Variants in SORCS3 observed in about 807,000 individuals in gnomAD.
SORCS3 encodes sortilin related VPS10 domain containing receptor 3.
In SORCS3, 57 loss-of-function variants were observed where a neutral mutation model predicts 146.3. The ratio of observed to expected loss-of-function variants is 0.39; its 90% CI spans 0.31 to 0.49. The LOEUF (loss-of-function observed/expected upper bound fraction) is 0.49. SORCS3 is among the 20% of genes least tolerant of loss of function. The pLI, the probability that SORCS3 is intolerant of heterozygous loss-of-function variation, is 0.92. For synonymous variants in SORCS3, 653 were observed against 618.5 expected, an observed-to-expected ratio of 1.06 and a Z score of -0.83; for missense variants, 1,341 against 1,575.5, an observed-to-expected ratio of 0.85 and a Z score of 2.52.
chr10:104,967,522 C>T (rs1251400805), intron 3 of SORCS3, among the ~76,000 whole-genome samples: 1 of 152,134 alleles, frequency 6.6e-6, no homozygotes, highest in Non-Finnish European at 1.5e-5. Flanking sequence ...AGCAACTCCT[C>T]AGTCCCCTTT....
At chr10:105,204,323 C>G (rs371046081) in intron 16 of SORCS3, among the ~76,000 whole-genome samples, 4 of 152,082 alleles carry the variant, frequency 2.6e-5, no homozygotes, top group African/African-American at 9.7e-5. Flanking sequence ...CTCAAGAAAT[C>G]AAACAAGTCT....
intron 3 of SORCS3, among the ~76,000 whole-genome samples, chr10:104,940,237 TA>T (rs1169848907): frequency 4.0e-3 from 66 of 16,512 alleles, no homozygotes; most frequent in East Asian, 6.3e-3. Context: ...TATATATATA[TA>T]TTTTTTTTTT....
intron 1 of SORCS3, among the ~76,000 whole-genome samples, chr10:104,803,680 T>C (rs1222943145): frequency 6.6e-6 from 1 of 152,130 alleles, no homozygotes; most frequent in Non-Finnish European, 1.5e-5. Flanking sequence ...TGGGTTGCTG[T>C]TTATAGGGAA....
intron 1 of SORCS3, among the ~76,000 whole-genome samples, chr10:104,785,680 G>A (rs908204307): frequency 6.6e-6 from 1 of 152,172 alleles, no homozygotes; most frequent in African/African-American, 2.4e-5. Flanking sequence ...TTTCCATAAA[G>A]CAGAGCAGTG....
intron 4 of SORCS3, among the ~76,000 whole-genome samples, chr10:105,005,906 A>C (rs2055092219): frequency 6.6e-6 from 1 of 152,138 alleles, no homozygotes; most frequent in African/African-American, 2.4e-5. Context: ...GTTTCTATTC[A>C]TTTCCTTTCA....
chr10:105,003,173 T>G (rs2055072096), intron 4 of SORCS3, among the ~76,000 whole-genome samples: 1 of 152,212 alleles, frequency 6.6e-6, no homozygotes, highest in Non-Finnish European at 1.5e-5. Flanking sequence ...TTTACTCCAC[T>G]AAGATTGTAA....
At chr10:104,745,053 G>A (rs922272528) in intron 1 of SORCS3, among the ~76,000 whole-genome samples, 1 of 152,148 alleles carries the variant, frequency 6.6e-6, no homozygotes, top group Non-Finnish European at 1.5e-5. Context: ...GTTATGGTTT[G>A]TTTAAAAAAG....
rs2015518021 is a variant in SORCS3, at chr10:104,648,258, A to G, written c.627+6304A>G. ...CTTCATCAAATCACTCATGATAGAG[A>G]TGAGGATATGAGGCTCAGACAGAAA... On this transcript the variant is annotated intron_variant, in intron 1 of 26. Transcript: ENST00000369701. Among the ~76,000 whole-genome samples the G allele has an allele frequency of 2.6e-5, 4 of 152,236 alleles. No individual in the cohort carries two copies. The South Asian group carries it at 8.3e-4, about 32-fold the overall frequency.
intron 3 of SORCS3, among the ~76,000 whole-genome samples, chr10:104,968,220 A>G (rs915749752): frequency 5.9e-5 from 9 of 152,110 alleles, no homozygotes; most frequent in Admixed American, 5.9e-4. Flanking sequence ...GGTTCAAGCA[A>G]TTCTCCTGTC....
chr10:104,791,689 G>A (rs989055229), intron 1 of SORCS3, among the ~76,000 whole-genome samples: 1 of 152,158 alleles, frequency 6.6e-6, no homozygotes, highest in African/African-American at 2.4e-5. Flanking sequence ...GAATGCTGAT[G>A]TCTGACACCT....
At chr10:104,967,547 C>T (rs1384778407) in intron 3 of SORCS3, among the ~76,000 whole-genome samples, 1 of 152,152 alleles carries the variant, frequency 6.6e-6, no homozygotes, top group Non-Finnish European at 1.5e-5. Context: ...CCACCTCTTG[C>T]AATTTTCTCC....
intron 13 of SORCS3, among the ~76,000 whole-genome samples, chr10:105,177,488 G>A (rs1056427230): frequency 1.3e-5 from 2 of 152,114 alleles, no homozygotes; most frequent in African/African-American, 4.8e-5. Context: ...GTTTCCACAA[G>A]GGGCCAGACC....
At chr10:104,834,641 C>T (rs1052040776) in intron 1 of SORCS3, among the ~76,000 whole-genome samples, 5 of 95,442 alleles carry the variant, frequency 5.2e-5, no homozygotes, top group African/African-American at 2.2e-4. Context: ...TTTCTTATTT[C>T]CTGCTTATTT....
intron 4 of SORCS3, among the ~76,000 whole-genome samples, chr10:105,028,616 G>A (rs972990561): frequency 6.6e-6 from 1 of 152,128 alleles, no homozygotes; most frequent in African/African-American, 2.4e-5. Context: ...CCCTTAGTCT[G>A]TGTATTTGGA....
At position 104,893,354 on chromosome 10, in the gene SORCS3, G is replaced by A. The variant is rs545903011; in HGVS notation, c.696-22479G>A. On this transcript the variant is annotated intron_variant, in intron 2 of 26. Coordinates refer to ENST00000369701, the MANE Select transcript of SORCS3 (RefSeq NM_014978.3). ...AAGGGTAGTCGGTCTCCCAGGCATC[G>A]CCATATGCAAAGCATAACCTCATTC... 1.7e-3 allele frequency among the ~76,000 whole-genome samples: 257 copies of A among 152,258 alleles called. 1 individual carries two copies. The highest frequency in any genetic ancestry group is 0.01 in the Middle Eastern group (3 of 294).
chr10:104,971,233 G>A (rs995564006), intron 3 of SORCS3, among the ~76,000 whole-genome samples: 4 of 152,190 alleles, frequency 2.6e-5, no homozygotes, highest in African/African-American at 9.6e-5. Context: ...TTCTGGCCAC[G>A]GTGTGAAACA....
intron 14 of SORCS3, among the ~76,000 whole-genome samples, chr10:105,181,012 T>A (rs1452900673): frequency 6.6e-6 from 1 of 152,194 alleles, no homozygotes; most frequent in African/African-American, 2.4e-5. Context: ...AAGACAGACA[T>A]GTGGATGCAC....
intron 2 of SORCS3, among the ~76,000 whole-genome samples, chr10:104,910,754 C>T (rs2018958565): frequency 6.6e-6 from 1 of 152,248 alleles, no homozygotes; most frequent in Admixed American, 6.5e-5. Flanking sequence ...TAGAGACACA[C>T]ATGTGTGTGC....
intron 23 of SORCS3, 42 bp from the exon 24 acceptor site, chr10:105,255,660 T>G (rs1349992536): frequency 7.3e-7 from 1 of 1,377,296 alleles, no homozygotes; most frequent in Middle Eastern, 1.8e-4. Flanking sequence ...GGAGCATCAT[T>G]GCATGTCATG....
Sources: gnomAD v4.1 joint callset for allele counts (sites outside exome capture counted in the v4.1 genomes callset) on GRCh38, gnomAD v4.1.1 for gene constraint, MANE v1.5 for transcripts, NCBI Gene and HGNC (gene_info 2026-07-23, HGNC 2026-07-21) for gene names.